Variants in DCAF8L2 observed in about 807,000 individuals in gnomAD.
DCAF8L2 encodes DDB1- and CUL4-associated factor 8-like protein 2.
For missense variants in DCAF8L2, 430 were observed against 490.7 expected (o/e 0.88, Z 1.17); for synonymous variants, 200 against 190.9 (o/e 1.05, Z -0.39).
the DCAF8L2 span, among the ~76,000 whole-genome samples, chrX:27,555,797 A>G: frequency 6.3e-5 from 7 of 111,473 alleles, no homozygotes; most frequent in African/African-American, 2.0e-4. Context: ...GTGGTGTTCT[A>G]CCACAGCCAC....
intron 2 of DCAF8L2, among the ~76,000 whole-genome samples, chrX:27,669,480 T>G (rs371539895): frequency 1.8e-5 from 2 of 109,301 alleles, no homozygotes; most frequent in African/African-American, 6.7e-5. Flanking sequence ...TTATTTATTT[T>G]TTATTTTTAT....
the DCAF8L2 span, among the ~76,000 whole-genome samples, chrX:27,557,382 T>C: frequency 8.9e-6 from 1 of 112,054 alleles, no homozygotes; most frequent in South Asian, 3.7e-4. Context: ...GTTAATTTCG[T>C]CAAAATAATG....
intron 1 of DCAF8L2, among the ~76,000 whole-genome samples, chrX:27,599,682 T>C (rs1467284952): frequency 1.8e-5 from 2 of 111,268 alleles, no homozygotes; most frequent in Non-Finnish European, 3.8e-5. Context: ...ACACAATTAA[T>C]TGGACAGCTC....
the DCAF8L2 span, among the ~76,000 whole-genome samples, chrX:27,495,711 G>A: frequency 1.8e-5 from 2 of 111,464 alleles, no homozygotes; most frequent in Non-Finnish European, 3.8e-5. Flanking sequence ...TTTTTTGTAT[G>A]TATTATTAGT....
Position 27,747,293 on chromosome X carries a change from AGG to A in DCAF8L2, c.399_400del (p.Glu134GlyfsTer27). On this transcript the variant is annotated frameshift_variant, in exon 5 of 5. Coordinates refer to ENST00000451261, the MANE Select transcript of DCAF8L2 (RefSeq NM_001353450.2). LOFTEE classifies it low-confidence loss of function (END_TRUNC). ...GGGGAGGAGGAGGAAGAGGAGGAGG[AGG>A]AGGAGGAGGAGGAGGAGGAGGAGGA... 5.2e-6 allele frequency: 4 copies of A among 770,004 alleles called. No individual in the cohort carries two copies. In the East Asian group the frequency reaches 1.9e-4, roughly 36 times the overall value. The allele number at this position is 770,004 out of a possible 1,213,427, so 63.5% of individuals were successfully genotyped here. A position where few individuals can be genotyped will look rare whatever the true frequency, so the allele number is the denominator to read the frequency against.
intron 2 of DCAF8L2, among the ~76,000 whole-genome samples, chrX:27,636,155 T>A (rs770741087): frequency 3.5e-4 from 39 of 111,324 alleles, no homozygotes; most frequent in Non-Finnish European, 6.8e-4. Context: ...TCATAGTGTT[T>A]GACATATTTT....
chrX:27,730,520 C>T (rs898531083), intron 4 of DCAF8L2, among the ~76,000 whole-genome samples: 2 of 110,497 alleles, frequency 1.8e-5, no homozygotes, highest in African/African-American at 3.3e-5. Context: ...CGGTTTAAAG[C>T]GATTCTCCTG....
chrX:27,550,221 G>T, the DCAF8L2 span, among the ~76,000 whole-genome samples: 1 of 111,981 alleles, frequency 8.9e-6, no homozygotes, highest in South Asian at 3.7e-4. Context: ...TCTCTTTTTG[G>T]TTGAAGTACA....
chrX:27,487,351 G>C, the DCAF8L2 span, among the ~76,000 whole-genome samples: 2 of 111,571 alleles, frequency 1.8e-5, no homozygotes, highest in Non-Finnish European at 3.8e-5. Flanking sequence ...GCATGATCTC[G>C]GCACACTGCA....
chrX:27,660,843 A>G (rs1322808877), intron 2 of DCAF8L2, among the ~76,000 whole-genome samples: 1 of 112,212 alleles, frequency 8.9e-6, no homozygotes, highest in Non-Finnish European at 1.9e-5. Context: ...GATGTGCCAA[A>G]CATTCTCCTT....
chrX:27,654,234 A>C (rs7051647), intron 2 of DCAF8L2, among the ~76,000 whole-genome samples: 5,947 of 111,059 alleles, frequency 0.054, 199 homozygotes, highest in African/African-American at 0.12. Flanking sequence ...CTCCTCTACC[A>C]ACCTGTGATA....
chrX:27,729,314 T>G (rs1437409630), intron 4 of DCAF8L2, among the ~76,000 whole-genome samples: 3 of 111,990 alleles, frequency 2.7e-5, no homozygotes, highest in African/African-American at 9.8e-5. Context: ...TTTTAAGAAA[T>G]GTATTCAGTC....
At chrX:27,731,634 C>T (rs1286941441) in intron 4 of DCAF8L2, among the ~76,000 whole-genome samples, 4 of 110,608 alleles carry the variant, frequency 3.6e-5, no homozygotes, top group Non-Finnish European at 7.6e-5. Context: ...TGACTCGAAT[C>T]ACCTCCCAAA....
the DCAF8L2 span, among the ~76,000 whole-genome samples, chrX:27,557,396 T>C: frequency 8.9e-6 from 1 of 111,997 alleles, no homozygotes; most frequent in Non-Finnish European, 1.9e-5. Flanking sequence ...AATAATGTCA[T>C]TTTCATATTC....
At chrX:27,712,079 T>G (rs5926875) in intron 3 of DCAF8L2, among the ~76,000 whole-genome samples, 1,137 of 111,525 alleles carry the variant, frequency 0.01, 6 homozygotes, top group Non-Finnish European at 0.017. Context: ...ATTTTCTTTC[T>G]ATCATTTTTT....
Position 27,746,901 on chromosome X carries a change from C to G in DCAF8L2, c.6C>G (p.Ser2=), listed in dbSNP as rs1922199661. The change falls in exon 5 of 5, where the codon TCC becomes TCG. Residue 2 remains serine (S), a synonymous_variant. Coordinates refer to ENST00000451261, the MANE Select transcript of DCAF8L2 (RefSeq NM_001353450.2). The part of the protein sequence containing the change: M[S]HQEGSTDGLP... ...TACAGCAAACATCGTTCAAGATGTCCCACCAAGAAGGCAGCACAGACGGCT... is the reference window on the plus strand; with the variant it reads ...TACAGCAAACATCGTTCAAGATGTCGCACCAAGAAGGCAGCACAGACGGCT... The G allele has an allele frequency of 8.4e-7, 1 of 1,190,501 alleles. No individual in the cohort carries two copies.
chrX:27,703,013 C>G (rs5926866), intron 3 of DCAF8L2, among the ~76,000 whole-genome samples: 31,876 of 110,568 alleles, frequency 0.29, 3,937 homozygotes, highest in Middle Eastern at 0.41. Flanking sequence ...GGATACAAAA[C>G]CAATACACAA....
intron 2 of DCAF8L2, among the ~76,000 whole-genome samples, chrX:27,671,880 T>C (rs548276990): frequency 4.5e-5 from 5 of 112,066 alleles, no homozygotes; most frequent in African/African-American, 1.6e-4. Flanking sequence ...AAGTCATGAA[T>C]TGAGTTCACT....
chrX:27,547,597 A>T, the DCAF8L2 span, among the ~76,000 whole-genome samples: 5 of 107,221 alleles, frequency 4.7e-5, no homozygotes, highest in Admixed American at 1.9e-4. Flanking sequence ...GAGAGAGAGA[A>T]CATGTGAGAG....
Sources: gnomAD v4.1 joint callset for allele counts (sites outside exome capture counted in the v4.1 genomes callset) on GRCh38, gnomAD v4.1.1 for gene constraint, MANE v1.5 for transcripts, NCBI Gene and HGNC (gene_info 2026-07-23, HGNC 2026-07-21) for gene names.